The following FAM184A variants were observed in gnomAD, a reference collection of about 807,000 sequenced individuals.
The protein encoded by FAM184A is protein FAM184A.
In FAM184A, 99 loss-of-function variants were observed where a neutral mutation model predicts 143.8. The ratio of observed to expected loss-of-function variants is 0.69; its 90% CI spans 0.58 to 0.81. The LOEUF (loss-of-function observed/expected upper bound fraction) is 0.81. Among genes scored for constraint, FAM184A ranks in the 40% least tolerant of loss-of-function variants. The probability of loss-of-function intolerance (pLI) is 0.00; values close to 1 mark genes in which losing one functional copy is unlikely to be tolerated. For synonymous variants in FAM184A, 427 were observed against 446.4 expected, an observed-to-expected ratio of 0.96 and a Z score of 0.55; for missense variants, 1,217 against 1,310.5, an observed-to-expected ratio of 0.93 and a Z score of 1.10.
chr6:119,037,070 T>A (rs1307967000), intron 1 of FAM184A, among the ~76,000 whole-genome samples: 3 of 152,226 alleles, frequency 2.0e-5, no homozygotes, highest in Non-Finnish European at 4.4e-5. Flanking sequence ...CAGTTAAAGT[T>A]AAAAACTTCC....
intron 9 of FAM184A, among the ~76,000 whole-genome samples, chr6:118,991,589 G>A (rs1202567662): frequency 6.6e-6 from 1 of 152,042 alleles, no homozygotes; most frequent in African/African-American, 2.4e-5. Context: ...AGCAAGCTGG[G>A]AGCAAGTGGG....
intron 1 of FAM184A, among the ~76,000 whole-genome samples, chr6:119,092,348 C>G (rs1359522872): frequency 6.6e-6 from 1 of 152,066 alleles, no homozygotes; most frequent in Non-Finnish European, 1.5e-5. Context: ...TGTTGCCCAG[C>G]CTGGTTTTGA....
intron 1 of FAM184A, among the ~76,000 whole-genome samples, chr6:119,113,231 A>T (rs1582627263): frequency 6.6e-6 from 1 of 152,110 alleles, no homozygotes; most frequent in Non-Finnish European, 1.5e-5. Context: ...TATGTTCCTG[A>T]AACATTACAA....
chr6:119,021,012 G>C lies in FAM184A; in HGVS notation c.1151-853C>G, dbSNP rs76703734. Among the ~76,000 whole-genome samples the C allele has an allele frequency of 1.6e-4, 25 of 152,288 alleles. No individual in the cohort carries two copies. The East Asian group carries it at 4.6e-3, about 28-fold the overall frequency. The stretch of plus-strand genomic sequence containing the variant: ...AGTGAGTGAAGAAAAAGGTCTCATA[G>C]AAAGGATAGTTTAAGGCAGAGGTTC... On this transcript the variant is annotated intron_variant, in intron 3 of 17. Coordinates refer to ENST00000338891, the MANE Select transcript of FAM184A (RefSeq NM_024581.6).
At chr6:118,972,105 C>T (rs1356829696) in intron 14 of FAM184A, among the ~76,000 whole-genome samples, 1 of 152,216 alleles carries the variant, frequency 6.6e-6, no homozygotes, top group African/African-American at 2.4e-5. Flanking sequence ...TCTCCCTGCT[C>T]ACTACCTGTC....
Position 118,960,059 on chromosome 6 carries a change from G to T in FAM184A, c.*44C>A. Reference sequence around the variant, plus strand: ...TACATAACAATCTGTATAAAGTCATGCTCTTAGTAACAGTCTATACAGAGC... The same window carrying T: ...TACATAACAATCTGTATAAAGTCATTCTCTTAGTAACAGTCTATACAGAGC... On this transcript the variant is annotated 3_prime_UTR_variant, in exon 18 of 18. Transcript: ENST00000338891. 1 of 1,464,380 alleles carries T rather than the reference G, an allele frequency of 6.8e-7. No homozygotes were observed. Among genetic ancestry groups the T allele is most frequent in the Non-Finnish European group, 9.5e-7 (1 of 1,055,332 alleles). The allele number at this position is 1,464,380 out of a possible 1,614,324, so 90.7% of individuals were successfully genotyped here.
intron 1 of FAM184A, chr6:119,069,238 C>T (rs1214776009): frequency 5.2e-6 from 1 of 194,012 alleles, no homozygotes; most frequent in African/African-American, 2.4e-5. Flanking sequence ...ACACATAGAC[C>T]TATATATTCT....
At chr6:119,121,784 G>A (rs1273845446) in intron 1 of FAM184A, among the ~76,000 whole-genome samples, 1 of 152,158 alleles carries the variant, frequency 6.6e-6, no homozygotes, top group East Asian at 1.9e-4. Flanking sequence ...TCTTAAAAAG[G>A]CATGAAGATC....
chr6:119,138,276 A>G (rs923020593), intron 1 of FAM184A, among the ~76,000 whole-genome samples: 1 of 152,134 alleles, frequency 6.6e-6, no homozygotes, highest in African/African-American at 2.4e-5. Flanking sequence ...CTGTTTTTCA[A>G]TTTCCTTCCT....
chr6:118,993,715 A>C (rs762307777), intron 9 of FAM184A, among the ~76,000 whole-genome samples: 4 of 152,234 alleles, frequency 2.6e-5, no homozygotes, highest in Non-Finnish European at 4.4e-5. Context: ...AAAAGAAAAC[A>C]TATTATTTGT....
At chr6:119,028,297 A>C (rs1460022382) in intron 1 of FAM184A, among the ~76,000 whole-genome samples, 1 of 152,154 alleles carries the variant, frequency 6.6e-6, no homozygotes, top group Admixed American at 6.5e-5. Flanking sequence ...AGAGCTCCTA[A>C]ATCCCTTGGA....
chr6:119,130,421 A>G (rs992274259), intron 1 of FAM184A, among the ~76,000 whole-genome samples: 1 of 152,228 alleles, frequency 6.6e-6, no homozygotes. Context: ...TATCAAATAC[A>G]TTCTGGCACA....
chr6:118,998,518 CA>C (rs11364865), intron 9 of FAM184A, among the ~76,000 whole-genome samples: 4,372 of 152,204 alleles, frequency 0.029, 213 homozygotes, highest in African/African-American at 0.1. Flanking sequence ...TGAAGGAATA[CA>C]AAGGAGAACA....
chr6:119,019,183 C>A (rs1382792307), intron 4 of FAM184A, among the ~76,000 whole-genome samples: 1 of 152,046 alleles, frequency 6.6e-6, no homozygotes, highest in Non-Finnish European at 1.5e-5. Context: ...GGGAAGTTCA[C>A]AAAGAAGACT....
In FAM184A at chr6:119,022,971, T is replaced by C; in HGVS notation, c.1124A>G (p.Gln375Arg). The part of the protein sequence containing the change: ...LAAARERLQQ[Q>R]ASDLVLKASH... ...AGCTTTGAGGACAAGATCTGAAGCT[T>C]GCTGTTGTAAACGTTCTCTGGCAGC... Residue 375 changes from glutamine to arginine, a missense_variant, in exon 3 of 18, where the codon CAA (glutamine) becomes CGA (arginine). Coordinates refer to ENST00000338891, the MANE Select transcript of FAM184A (RefSeq NM_024581.6). The C allele has an allele frequency of 6.2e-7, 1 of 1,614,146 alleles. No homozygotes were observed. Among genetic ancestry groups the C allele is most frequent in the Non-Finnish European group, 8.5e-7 (1 of 1,180,026 alleles).
At chr6:118,991,758 T>C (rs1042639430) in intron 9 of FAM184A, among the ~76,000 whole-genome samples, 1 of 119,020 alleles carries the variant, frequency 8.4e-6, no homozygotes, top group Non-Finnish European at 1.8e-5. Flanking sequence ...GGACTTTTTT[T>C]TTTTTTTTTT....
intron 15 of FAM184A, among the ~76,000 whole-genome samples, chr6:118,965,621 G>T (rs749100708): frequency 1.3e-5 from 2 of 152,112 alleles, no homozygotes; most frequent in Non-Finnish European, 2.9e-5. Flanking sequence ...GCCTCTCTTA[G>T]TCACCACTGT....
chr6:119,092,651 C>G (rs1244654567), intron 1 of FAM184A, among the ~76,000 whole-genome samples: 1 of 151,866 alleles, frequency 6.6e-6, no homozygotes, highest in African/African-American at 2.4e-5. Context: ...GAATAAATAG[C>G]CATAGGTCTC....
chr6:118,995,155 T>C (rs1368026921), intron 9 of FAM184A, among the ~76,000 whole-genome samples: 3 of 152,102 alleles, frequency 2.0e-5, no homozygotes, highest in Admixed American at 6.5e-5. Context: ...TGGTGGCTCA[T>C]GTCTGTAATC....
Sources: gnomAD v4.1 joint callset for allele counts (sites outside exome capture counted in the v4.1 genomes callset) on GRCh38, gnomAD v4.1.1 for gene constraint, MANE v1.5 for transcripts, NCBI Gene and HGNC (gene_info 2026-07-23, HGNC 2026-07-21) for gene names.